CNTN4: variants seen among roughly 807,000 people sequenced by gnomAD.
The protein encoded by CNTN4 is contactin 4, also known as contactin-4.
CNTN4 carries 77 observed loss-of-function variants against 122.5 expected under a neutral mutation model. That is an observed-to-expected ratio of 0.63 (90% CI 0.52 to 0.76). The LOEUF is 0.76. Among genes scored for constraint, CNTN4 ranks in the 30% least tolerant of loss-of-function variants. The pLI is 0.00. For missense variants in CNTN4, 1,256 were observed against 1,259.1 expected (o/e 1.00, Z 0.04); for synonymous variants, 512 against 447.0 (o/e 1.15, Z -1.83).
At position 2,521,281 on chromosome 3, in the gene CNTN4, C is replaced by G. The variant is rs2077202824; in HGVS notation, c.-88-50135C>G. On this transcript the variant is annotated intron_variant, in intron 3 of 24. Transcript: ENST00000418658. The stretch of plus-strand genomic sequence containing the variant: ...GATAGGATTTTGTAATCAGGCCATC[C>G]AGCTACTGAAGCAGGCCTCTGCTTC... 5.3e-5 allele frequency among the ~76,000 whole-genome samples: 8 copies of G among 151,962 alleles called. No homozygotes were observed. The South Asian group carries it at 1.7e-3, about 32-fold the overall frequency.
At chr3:2,511,228 A>T (rs1369927527) in intron 3 of CNTN4, 1 of 152,226 alleles carries the variant, frequency 6.6e-6, no homozygotes, top group East Asian at 1.9e-4. Context: ...TAAATTGCCC[A>T]TTGGGAAAGA....
chr3:3,015,035 T>A (rs966126013), intron 14 of CNTN4, among the ~76,000 whole-genome samples: 1 of 152,124 alleles, frequency 6.6e-6, no homozygotes, highest in Non-Finnish European at 1.5e-5. Flanking sequence ...ATGATTTGCC[T>A]CTTTCTCTCC....
chr3:2,307,403 C>G (rs1039792131), intron 2 of CNTN4, among the ~76,000 whole-genome samples: 1 of 150,366 alleles, frequency 6.7e-6, no homozygotes, highest in Non-Finnish European at 1.5e-5. Context: ...CCACTGCACT[C>G]TAGCCTGGGC....
intron 3 of CNTN4, among the ~76,000 whole-genome samples, chr3:2,533,952 G>A (rs546798496): frequency 2.7e-5 from 4 of 146,942 alleles, no homozygotes; most frequent in African/African-American, 9.9e-5. Flanking sequence ...CTTTTTGATG[G>A]TTTTTTTTTT....
chr3:2,297,519 C>T (rs1313744362), intron 2 of CNTN4, among the ~76,000 whole-genome samples: 1 of 152,150 alleles, frequency 6.6e-6, no homozygotes, highest in Non-Finnish European at 1.5e-5. Context: ...TATAAAATAG[C>T]AAATCCCATA....
chr3:2,674,867 C>T (rs1344084432), intron 4 of CNTN4, among the ~76,000 whole-genome samples: 1 of 152,144 alleles, frequency 6.6e-6, no homozygotes, highest in South Asian at 2.1e-4. Context: ...GTTAACCAAC[C>T]TCTCCCTATC....
intron 2 of CNTN4, among the ~76,000 whole-genome samples, chr3:2,305,757 A>C (rs2042679042): frequency 1.3e-5 from 2 of 152,168 alleles, no homozygotes; most frequent in South Asian, 2.1e-4. Flanking sequence ...TCAAAACCAA[A>C]GGAAACCCAG....
chr3:2,188,202 C>T (rs1002063058), intron 2 of CNTN4, among the ~76,000 whole-genome samples: 6 of 152,074 alleles, frequency 3.9e-5, no homozygotes, highest in African/African-American at 1.2e-4. Context: ...GATCCTTGTT[C>T]CTCTGGCCCT....
In CNTN4 at chr3:2,417,286, CT is replaced by C. The variant is rs1487022585; in HGVS notation, c.-89+78054del. On this transcript the variant is annotated intron_variant, in intron 3 of 24. Coordinates refer to ENST00000418658, the MANE Select transcript of CNTN4 (RefSeq NM_175607.3). ...CATCGTAGACAGTTGGTGAAAAATTCTAGACCAGAATCCAGTCCCTTCAGTC... is the reference window on the plus strand; with the variant it reads ...CATCGTAGACAGTTGGTGAAAAATTCAGACCAGAATCCAGTCCCTTCAGTC... Among the ~76,000 whole-genome samples the C allele has an allele frequency of 1.3e-5, 2 of 152,186 alleles. 1 individual carries two copies. The highest frequency in any genetic ancestry group is 2.9e-5 in the Non-Finnish European group (2 of 68,034).
chr3:2,251,144 A>G (rs2040362723), intron 2 of CNTN4, among the ~76,000 whole-genome samples: 1 of 151,866 alleles, frequency 6.6e-6, no homozygotes, highest in Non-Finnish European at 1.5e-5. Context: ...TCTCTCCTAT[A>G]AGCTCTGTTG....
intron 2 of CNTN4, among the ~76,000 whole-genome samples, chr3:2,131,327 T>C (rs1228527639): frequency 2.6e-5 from 4 of 152,134 alleles, no homozygotes; most frequent in Admixed American, 6.5e-5. Context: ...TTGCAGCCCA[T>C]AGACTCAGTC....
chr3:2,223,453 A>G (rs1015454810), intron 2 of CNTN4, among the ~76,000 whole-genome samples: 1 of 152,156 alleles, frequency 6.6e-6, no homozygotes, highest in African/African-American at 2.4e-5. Context: ...AAGCTGACAC[A>G]CTGTCTGATT....
intron 10 of CNTN4, among the ~76,000 whole-genome samples, chr3:2,895,991 C>T (rs1167698953): frequency 2.0e-5 from 3 of 152,036 alleles, no homozygotes; most frequent in Admixed American, 2.0e-4. Flanking sequence ...CAAGATGGCG[C>T]CACCGCACTC....
At chr3:2,831,367 G>T (rs2093101002) in intron 7 of CNTN4, among the ~76,000 whole-genome samples, 1 of 152,206 alleles carries the variant, frequency 6.6e-6, no homozygotes, top group Admixed American at 6.5e-5. Flanking sequence ...GACATTTGCA[G>T]ATATATAGAA....
chr3:3,045,993 G>T (rs1319997418), intron 23 of CNTN4, among the ~76,000 whole-genome samples: 1 of 152,220 alleles, frequency 6.6e-6, no homozygotes, highest in Admixed American at 6.5e-5. Context: ...ACAAGCTTCA[G>T]TAGCCAATTC....
intron 3 of CNTN4, among the ~76,000 whole-genome samples, chr3:2,370,806 A>T (rs2045602947): frequency 6.6e-6 from 1 of 152,188 alleles, no homozygotes; most frequent in Admixed American, 6.5e-5. Context: ...GAAGGTGAAT[A>T]TATACCAGTT....
At chr3:2,705,635 T>C (rs1160109506) in intron 4 of CNTN4, among the ~76,000 whole-genome samples, 22 of 86,892 alleles carry the variant, frequency 2.5e-4, no homozygotes, top group Non-Finnish European at 4.2e-4. Flanking sequence ...TATAAATATA[T>C]ATATTATATA....
At chr3:2,898,826 G>A (rs1425148006) in intron 10 of CNTN4, among the ~76,000 whole-genome samples, 2 of 152,056 alleles carry the variant, frequency 1.3e-5, no homozygotes, top group Non-Finnish European at 2.9e-5. Context: ...GGACTCTGTA[G>A]GGGTCAATAT....
At chr3:2,112,533 G>A (rs2033042071) in intron 2 of CNTN4, among the ~76,000 whole-genome samples, 1 of 152,066 alleles carries the variant, frequency 6.6e-6, no homozygotes, top group African/African-American at 2.4e-5. Flanking sequence ...TGTTTTTACA[G>A]CCTTTCAAGA....
Sources: gnomAD v4.1 joint callset for allele counts (sites outside exome capture counted in the v4.1 genomes callset) on GRCh38, gnomAD v4.1.1 for gene constraint, MANE v1.5 for transcripts, NCBI Gene and HGNC (gene_info 2026-07-23, HGNC 2026-07-21) for gene names.